STK32C: variants seen among roughly 807,000 people sequenced by gnomAD.
STK32C encodes the protein serine/threonine-protein kinase 32C.
In STK32C, 31 loss-of-function variants were observed where a neutral mutation model predicts 56.5. That is an observed-to-expected ratio of 0.55 (90% CI 0.41 to 0.74). The LOEUF (loss-of-function observed/expected upper bound fraction) is 0.74. STK32C is among the 30% of genes least tolerant of loss of function. The probability of loss-of-function intolerance (pLI) is 0.00; values close to 1 mark genes in which losing one functional copy is unlikely to be tolerated. For missense variants in STK32C, 544 were observed against 676.9 expected, an observed-to-expected ratio of 0.80 and a Z score of 2.18; for synonymous variants, 309 against 289.4, an observed-to-expected ratio of 1.07 and a Z score of -0.69.
chr10:132,249,196 G>A (rs1229419886), intron 1 of STK32C: 1 of 369,944 alleles, frequency 2.7e-6, no homozygotes, highest in African/African-American at 2.1e-5. Flanking sequence ...CGTGTCAGGG[G>A]CGGGGCCGTG....
chr10:132,218,406 T>C (rs1458475050), intron 10 of STK32C, among the ~76,000 whole-genome samples: 2 of 152,182 alleles, frequency 1.3e-5, no homozygotes, highest in African/African-American at 2.4e-5. Flanking sequence ...TTTAAAACAT[T>C]TGGATAGACA....
Position 132,225,900 on chromosome 10 carries a change from G to A in STK32C, c.645-116C>T. The stretch of plus-strand genomic sequence containing the variant: ...ATCCCACCAACCCACTCGAGGCAGA[G>A]GCCTGGGAGCTTGACTTGGTCCTTG... On this transcript the variant is annotated intron_variant, in intron 4 of 11. Coordinates refer to ENST00000298630, the MANE Select transcript of STK32C (RefSeq NM_173575.4). The A allele has an allele frequency of 2.9e-6, 4 of 1,360,886 alleles. No homozygotes were observed. The South Asian group carries it at 5.0e-5, about 17-fold the overall frequency. 84.3% of individuals were successfully genotyped at this position (1,360,886 alleles called of 1,614,324 possible).
intron 10 of STK32C, among the ~76,000 whole-genome samples, chr10:132,214,805 TAGA>T (rs1325582052): frequency 6.6e-6 from 1 of 152,120 alleles, no homozygotes. Context: ...CAGGTGAAGG[TAGA>T]CTGTATGGTA....
chr10:132,313,745 G>T (rs541725570), intron 1 of STK32C, among the ~76,000 whole-genome samples: 67 of 149,754 alleles, frequency 4.5e-4, no homozygotes, highest in African/African-American at 1.7e-3. Flanking sequence ...TGAATGAAAG[G>T]CCAGGCTGGT....
intron 1 of STK32C, among the ~76,000 whole-genome samples, chr10:132,315,491 AATAG>A (rs147255366): frequency 0.097 from 14,822 of 152,230 alleles, 955 homozygotes; most frequent in South Asian, 0.18. Flanking sequence ...AAAATAAATA[AATAG>A]ATAGCACAAA....
At chr10:132,294,492 G>T (rs1184077993) in intron 1 of STK32C, among the ~76,000 whole-genome samples, 2 of 152,166 alleles carry the variant, frequency 1.3e-5, no homozygotes, top group African/African-American at 2.4e-5. Flanking sequence ...GAGAAATAGG[G>T]CTGTGGGCTG....
intron 1 of STK32C, among the ~76,000 whole-genome samples, chr10:132,252,252 T>C (rs1339694254): frequency 1.3e-5 from 2 of 151,856 alleles, no homozygotes; most frequent in Non-Finnish European, 2.9e-5. Flanking sequence ...CTCTTCAGTG[T>C]GGGGGAAACA....
rs760905509 is a variant in STK32C, at chr10:132,225,305, G to A, written c.804C>T (p.Gly268=). The change falls in exon 7 of 12, where the codon GGC becomes GGT. Residue 268 remains glycine (G), a synonymous_variant. Coordinates refer to ENST00000298630, the MANE Select transcript of STK32C (RefSeq NM_173575.4). The stretch of plus-strand genomic sequence containing the variant: ...CCACCTCGAAGGAGTAGCCGGTCCC[G>A]CCGTTGACAAAAGAGTGGAAGATCT... ...APEIFHSFVN[G]GTGYSFEVDW... The A allele has an allele frequency of 2.4e-4, 384 of 1,611,840 alleles. 2 individuals are homozygous for A. The Admixed American group carries it at 3.7e-3, about 16-fold the overall frequency.
chr10:132,230,152 G>A (rs2063040996), intron 2 of STK32C, among the ~76,000 whole-genome samples: 1 of 152,088 alleles, frequency 6.6e-6, no homozygotes, highest in Admixed American at 6.5e-5. Context: ...TGGGAGGGCG[G>A]GGCGGGGCGG....
intron 1 of STK32C, among the ~76,000 whole-genome samples, chr10:132,283,636 C>G (rs953601497): frequency 6.6e-6 from 1 of 152,204 alleles, no homozygotes; most frequent in East Asian, 1.9e-4. Context: ...TTTTGGGGAA[C>G]ACCTGAGGGT....
At chr10:132,284,713 C>T (rs989931359) in intron 1 of STK32C, among the ~76,000 whole-genome samples, 1 of 150,890 alleles carries the variant, frequency 6.6e-6, no homozygotes, top group African/African-American at 2.4e-5. Flanking sequence ...AGGCATGAAC[C>T]CAGAACACAT....
intron 1 of STK32C, among the ~76,000 whole-genome samples, chr10:132,279,672 G>GCACTCCGTGATCACGACACTC (rs1311886203): frequency 2.2e-4 from 16 of 71,520 alleles, no homozygotes; most frequent in African/African-American, 8.1e-4. Context: ...TCAAGCCACT[G>GCACTCCGTGATCACGACACTC]CACTCCGTGA....
At chr10:132,253,505 G>A (rs113121635) in intron 1 of STK32C, among the ~76,000 whole-genome samples, 1 of 92,184 alleles carries the variant, frequency 1.1e-5, no homozygotes, top group East Asian at 3.9e-4. Flanking sequence ...AGTCGAGGGA[G>A]CTGAGGGAGC....
chr10:132,221,939 C>T (rs2062681188), intron 10 of STK32C, among the ~76,000 whole-genome samples: 1 of 150,638 alleles, frequency 6.6e-6, no homozygotes, highest in South Asian at 2.1e-4. Flanking sequence ...CCCACACACA[C>T]AACTGACACC....
At chr10:132,312,448 C>A (rs1373491101), upstream of STK32C, among the ~76,000 whole-genome samples, 1 of 152,172 alleles carries the variant, frequency 6.6e-6, no homozygotes, top group Non-Finnish European at 1.5e-5. Flanking sequence ...CCATTCTGGG[C>A]AAAATTCCCC....
chr10:132,257,016 C>G (rs369135473), intron 1 of STK32C, among the ~76,000 whole-genome samples: 27 of 152,286 alleles, frequency 1.8e-4, no homozygotes, highest in East Asian at 1.5e-3. Flanking sequence ...CAAAGCAGAA[C>G]AGCCCAGGAA....
intron 9 of STK32C, 22 bp downstream of exon 9, chr10:132,222,839 C>T: frequency 6.3e-7 from 1 of 1,589,934 alleles, no homozygotes; most frequent in Non-Finnish European, 8.6e-7. Context: ...GGGCCCCCCA[C>T]CTGAGCCGCC....
chr10:132,215,466 G>C lies in STK32C; in HGVS notation c.1252-6365C>G, dbSNP rs147782655. On this transcript the variant is annotated intron_variant, in intron 10 of 11. Transcript: ENST00000298630. ...TTTCCTGTGCTGTTGTCATGATAGT[G>C]AATGAGTCTCATGAGATCTGATGGT... 4.9e-3 allele frequency among the ~76,000 whole-genome samples: 736 copies of C among 149,218 alleles called. 6 individuals are homozygous for C. Among genetic ancestry groups the C allele is most frequent in the African/African-American group, 0.017 (699 of 40,486 alleles).
At chr10:132,325,221 T>TAGTGAATA (rs2066472984) in intron 1 of STK32C, among the ~76,000 whole-genome samples, 1 of 152,108 alleles carries the variant, frequency 6.6e-6, no homozygotes. Flanking sequence ...GTTCTCATGA[T>TAGTGAATA]AGTGAATAAG....
Sources: allele counts gnomAD v4.1 joint callset (sites outside exome capture counted in the v4.1 genomes callset), GRCh38; gene constraint gnomAD v4.1.1; transcripts MANE v1.5; gene names NCBI Gene and HGNC (gene_info 2026-07-23, HGNC 2026-07-21).